GRIA4: variants seen among roughly 807,000 people sequenced by gnomAD.
The protein encoded by GRIA4 is glutamate ionotropic receptor AMPA type subunit 4.
A neutral mutation model predicts 104.0 loss-of-function variants in GRIA4; 34 were observed. The observed-to-expected ratio is 0.33, with a 90% CI of 0.25 to 0.44. The LOEUF (loss-of-function observed/expected upper bound fraction) is 0.44, where lower values mean the gene tolerates loss of function less well. Ranked by LOEUF, GRIA4 falls within the 20% of genes least tolerant of loss-of-function variation. The pLI, the probability that GRIA4 is intolerant of heterozygous loss-of-function variation, is 1.00. For missense variants in GRIA4, 750 were observed against 1,096.5 expected (o/e 0.68, Z 4.46); for synonymous variants, 386 against 381.9 (o/e 1.01, Z -0.13).
In GRIA4 at chr11:105,655,293, G is replaced by C. The variant is rs549926398; in HGVS notation, c.247+42859G>C. Among the ~76,000 whole-genome samples, 131 of 152,182 alleles carry C rather than the reference G, an allele frequency of 8.6e-4. 1 individual carries two copies. The highest frequency in any genetic ancestry group is 3.2e-3 in the Admixed American group (49 of 15,282). Reference sequence around the variant, plus strand: ...TTGAGGAAAATAACTGCATTTTGAAGACTTTGAGTAGTTACATCTAACCTT... The same window carrying C: ...TTGAGGAAAATAACTGCATTTTGAACACTTTGAGTAGTTACATCTAACCTT... On this transcript the variant is annotated intron_variant, in intron 3 of 16. Transcript: ENST00000282499.
chr11:105,778,375 G>T (rs1941548496), intron 4 of GRIA4, among the ~76,000 whole-genome samples: 1 of 152,164 alleles, frequency 6.6e-6, no homozygotes, highest in African/African-American at 2.4e-5. Context: ...TGCTTTTCTA[G>T]TTTAGTAAAT....
intron 5 of GRIA4, among the ~76,000 whole-genome samples, chr11:105,873,733 T>C (rs1945710024): frequency 6.6e-6 from 1 of 152,228 alleles, no homozygotes; most frequent in Non-Finnish European, 1.5e-5. Flanking sequence ...GAGAAGTGTC[T>C]GTTCATATAC....
intron 4 of GRIA4, among the ~76,000 whole-genome samples, chr11:105,754,970 T>C (rs954830373): frequency 2.6e-5 from 4 of 152,330 alleles, no homozygotes; most frequent in African/African-American, 9.6e-5. Flanking sequence ...CTTTGGCTTG[T>C]TTCCTTTGGT....
At chr11:105,881,522 C>A (rs1946058941) in intron 5 of GRIA4, among the ~76,000 whole-genome samples, 1 of 152,156 alleles carries the variant, frequency 6.6e-6, no homozygotes, top group South Asian at 2.1e-4. Context: ...ACATCTTTCA[C>A]TGAAAGTCAG....
At chr11:105,673,882 T>C (rs1952453719) in intron 3 of GRIA4, among the ~76,000 whole-genome samples, 1 of 152,072 alleles carries the variant, frequency 6.6e-6, no homozygotes, top group Non-Finnish European at 1.5e-5. Flanking sequence ...AAATTAGCCA[T>C]ATCAATTTAT....
chr11:105,964,328 G>A (rs1948808402), intron 14 of GRIA4, among the ~76,000 whole-genome samples: 1 of 152,198 alleles, frequency 6.6e-6, no homozygotes, highest in Non-Finnish European at 1.5e-5. Context: ...AAACTCTTAA[G>A]TGTGTGGTTT....
intron 13 of GRIA4, among the ~76,000 whole-genome samples, chr11:105,929,843 A>G (rs568375294): frequency 5.1e-4 from 78 of 152,238 alleles, no homozygotes; most frequent in Non-Finnish European, 1.1e-3. Context: ...GAAAAGTAAA[A>G]GGATAGCACA....
At chr11:105,883,165 C>T (rs745409553) in intron 5 of GRIA4, among the ~76,000 whole-genome samples, 1 of 151,906 alleles carries the variant, frequency 6.6e-6, no homozygotes, top group Non-Finnish European at 1.5e-5. Flanking sequence ...CTCTTAAACA[C>T]GTTATTTTGG....
intron 4 of GRIA4, among the ~76,000 whole-genome samples, chr11:105,755,029 A>T (rs1205010321): frequency 1.3e-5 from 2 of 152,052 alleles, no homozygotes; most frequent in Non-Finnish European, 2.9e-5. Context: ...TATTCTACAT[A>T]TTGCATAACA....
intron 5 of GRIA4, among the ~76,000 whole-genome samples, chr11:105,866,549 G>A (rs901422717): frequency 0.033 from 2,603 of 77,854 alleles, 41 homozygotes; most frequent in Middle Eastern, 0.056. Context: ...GTGTGTGTGT[G>A]TGTATATATA....
intron 14 of GRIA4, among the ~76,000 whole-genome samples, chr11:105,946,230 T>A (rs1235130499): frequency 6.6e-6 from 1 of 152,186 alleles, no homozygotes; most frequent in Non-Finnish European, 1.5e-5. Context: ...TTTCCTGACT[T>A]TGGTATTCTC....
At chr11:105,660,416 A>G (rs920587258) in intron 3 of GRIA4, among the ~76,000 whole-genome samples, 1 of 151,684 alleles carries the variant, frequency 6.6e-6, no homozygotes, top group Non-Finnish European at 1.5e-5. Context: ...TTTACCCTAG[A>G]TTTTTTTGGG....
chr11:105,719,364 C>T (rs1954215737), intron 3 of GRIA4, among the ~76,000 whole-genome samples: 1 of 152,068 alleles, frequency 6.6e-6, no homozygotes, highest in African/African-American at 2.4e-5. Context: ...GATTAAGATT[C>T]CCGATCATTG....
intron 3 of GRIA4, among the ~76,000 whole-genome samples, chr11:105,621,102 T>G (rs1950733219): frequency 6.6e-6 from 1 of 151,842 alleles, no homozygotes; most frequent in African/African-American, 2.4e-5. Context: ...ATGTATTCCT[T>G]CTTTCAATAA....
At chr11:105,729,875 T>A (rs760248809) in intron 3 of GRIA4, among the ~76,000 whole-genome samples, 6 of 152,096 alleles carry the variant, frequency 3.9e-5, no homozygotes, top group Non-Finnish European at 7.4e-5. Flanking sequence ...AATAAGAACA[T>A]GTCTGAAAAT....
chr11:105,626,413 A>G (rs549662102), intron 3 of GRIA4, among the ~76,000 whole-genome samples: 11 of 152,262 alleles, frequency 7.2e-5, no homozygotes, highest in African/African-American at 2.6e-4. Flanking sequence ...AGAAAATCAA[A>G]TTGAGATACA....
In GRIA4 at chr11:105,956,929, T is replaced by A. The variant is rs534448274; in HGVS notation, c.2295-14985T>A. Among the ~76,000 whole-genome samples the A allele has an allele frequency of 1.4e-4, 21 of 146,526 alleles. No homozygotes were observed. In the South Asian group the frequency reaches 4.8e-3, roughly 33 times the overall value. ...TTCTTTTGAGAAGTGTCTGTTCATA[T>A]CCTTTGCCCATTTTTTGATGGGGTT... On this transcript the variant is annotated intron_variant, in intron 14 of 16. Transcript: ENST00000282499.
In GRIA4 at chr11:105,623,061, A is replaced by G. The variant is rs1328414959; in HGVS notation, c.247+10627A>G. ...CCAAGTAGTATTCCATTGTATATAT[A>G]TATATATATATATATATATATATAT... On this transcript the variant is annotated intron_variant, in intron 3 of 16. Transcript: ENST00000282499. Among the ~76,000 whole-genome samples the G allele has an allele frequency of 3.0e-3, 69 of 23,106 alleles. 1 individual carries two copies. Among genetic ancestry groups the G allele is most frequent in the African/African-American group, 0.021 (61 of 2,872 alleles). The allele number at this position is 23,106 out of a possible 152,430, so 15.2% of individuals were successfully genotyped here.
intron 3 of GRIA4, among the ~76,000 whole-genome samples, chr11:105,724,557 CTCTCACTTA>C (rs1312061578): frequency 2.0e-5 from 3 of 151,968 alleles, no homozygotes; most frequent in African/African-American, 7.2e-5. Flanking sequence ...ATACTACATG[CTCTCACTTA>C]TAAGTGGGAG....
Sources: allele counts gnomAD v4.1 joint callset (sites outside exome capture counted in the v4.1 genomes callset), GRCh38; gene constraint gnomAD v4.1.1; transcripts MANE v1.5; gene names NCBI Gene and HGNC (gene_info 2026-07-23, HGNC 2026-07-21).